DLG2: variants seen among roughly 807,000 people sequenced by gnomAD.
The protein encoded by DLG2 is discs large MAGUK scaffold protein 2, also known as disks large homolog 2.
Under a neutral mutation model 132.5 loss-of-function variants are expected in DLG2, and 45 were observed. That is an observed-to-expected ratio of 0.34 (90% CI 0.27 to 0.44). DLG2 has a LOEUF of 0.44. Ranked by LOEUF, DLG2 falls within the 20% of genes least tolerant of loss-of-function variation. The probability of loss-of-function intolerance (pLI) is 1.00; values close to 1 mark genes in which losing one functional copy is unlikely to be tolerated. For missense variants in DLG2, 1,045 were observed against 1,196.9 expected (o/e 0.87, Z 1.87); for synonymous variants, 424 against 419.6 (o/e 1.01, Z -0.13).
Position 84,918,656 on chromosome 11 carries a change from A to G in DLG2, c.357+193005T>C, listed in dbSNP as rs76685419. On this transcript the variant is annotated intron_variant, in intron 6 of 27. Coordinates refer to ENST00000376104, the MANE Select transcript of DLG2 (RefSeq NM_001142699.3). ...TAGTGTGAATTATTGACTCCCTCCA[A>G]ACTAGCTGTACAACCTGGCTGAGCA... 7.7e-3 allele frequency among the ~76,000 whole-genome samples: 1,176 copies of G among 152,270 alleles called. 4 individuals carry two copies. Among genetic ancestry groups the G allele is most frequent in the Non-Finnish European group, 0.012 (802 of 67,992 alleles).
At chr11:84,175,779 C>T (rs1200994453) in intron 8 of DLG2, among the ~76,000 whole-genome samples, 1 of 152,050 alleles carries the variant, frequency 6.6e-6, no homozygotes, top group Non-Finnish European at 1.5e-5. Context: ...TGGAAAAATG[C>T]TTCGGGCTGC....
At chr11:83,709,906 C>A (rs1396330820) in intron 18 of DLG2, among the ~76,000 whole-genome samples, 1 of 152,178 alleles carries the variant, frequency 6.6e-6, no homozygotes, top group East Asian at 1.9e-4. Context: ...TCAGGTTAGG[C>A]CTTCCTTTCC....
At chr11:83,710,977 G>T (rs1348732367) in intron 18 of DLG2, among the ~76,000 whole-genome samples, 30 of 152,080 alleles carry the variant, frequency 2.0e-4, no homozygotes, top group Admixed American at 2.0e-3. Context: ...TCTTAACATG[G>T]ACTGTCTCAT....
intron 21 of DLG2, among the ~76,000 whole-genome samples, chr11:83,518,870 G>T (rs1420243701): frequency 1.3e-5 from 2 of 152,126 alleles, no homozygotes; most frequent in African/African-American, 2.4e-5. Context: ...TGTTCCTGGG[G>T]TTTCTCAGCT....
At chr11:84,876,534 C>T (rs917659456) in intron 6 of DLG2, among the ~76,000 whole-genome samples, 21 of 152,058 alleles carry the variant, frequency 1.4e-4, no homozygotes, top group African/African-American at 5.1e-4. Flanking sequence ...GTGATATCCC[C>T]TTTATCTTTT....
chr11:85,450,351 G>C (rs1207332176), intron 3 of DLG2, among the ~76,000 whole-genome samples: 2 of 151,832 alleles, frequency 1.3e-5, no homozygotes, highest in African/African-American at 2.4e-5. Context: ...CTTTATGTGG[G>C]TTCTCAGAGA....
chr11:84,919,438 G>A (rs1341321238), intron 6 of DLG2, among the ~76,000 whole-genome samples: 1 of 152,092 alleles, frequency 6.6e-6, no homozygotes, highest in Non-Finnish European at 1.5e-5. Context: ...TTTACGCTCA[G>A]TAAATTTTAA....
At chr11:84,633,330 C>T (rs2099635325) in intron 6 of DLG2, among the ~76,000 whole-genome samples, 1 of 152,122 alleles carries the variant, frequency 6.6e-6, no homozygotes, top group Admixed American at 6.5e-5. Flanking sequence ...CACTTAACTA[C>T]CAGCCATTAC....
At chr11:84,912,182 C>T (rs889912012) in intron 6 of DLG2, among the ~76,000 whole-genome samples, 2 of 152,220 alleles carry the variant, frequency 1.3e-5, no homozygotes, top group Non-Finnish European at 2.9e-5. Flanking sequence ...CGGAGTCTCA[C>T]TCTGTCGCCC....
chr11:84,313,001 G>A (rs1442496686), intron 7 of DLG2, among the ~76,000 whole-genome samples: 2 of 151,796 alleles, frequency 1.3e-5, no homozygotes, highest in African/African-American at 2.4e-5. Flanking sequence ...TAGTAGAGAC[G>A]GGGCTTCACC....
chr11:83,528,065 G>T (rs1565651558), intron 21 of DLG2, among the ~76,000 whole-genome samples: 1 of 152,166 alleles, frequency 6.6e-6, no homozygotes, highest in Non-Finnish European at 1.5e-5. Context: ...GAGCTTGACT[G>T]CATTGCTATC....
At chr11:84,934,158 A>G (rs1465059580) in intron 6 of DLG2, among the ~76,000 whole-genome samples, 5 of 152,036 alleles carry the variant, frequency 3.3e-5, no homozygotes, top group Admixed American at 3.3e-4. Context: ...ATTTCTGTTT[A>G]TGCGATAAAT....
chr11:84,157,338 T>G (rs566091707), intron 9 of DLG2, among the ~76,000 whole-genome samples: 1 of 152,336 alleles, frequency 6.6e-6, no homozygotes, highest in East Asian at 1.9e-4. Flanking sequence ...ATAATACTTG[T>G]GAATTTTTAT....
intron 9 of DLG2, among the ~76,000 whole-genome samples, chr11:84,152,104 G>C (rs565041454): frequency 6.6e-6 from 1 of 152,254 alleles, no homozygotes; most frequent in East Asian, 1.9e-4. Flanking sequence ...TCCTTTCTTA[G>C]TTTGCTGCAT....
intron 7 of DLG2, among the ~76,000 whole-genome samples, chr11:84,427,097 A>G (rs1020286982): frequency 3.9e-5 from 6 of 152,148 alleles, no homozygotes; most frequent in Non-Finnish European, 8.8e-5. Flanking sequence ...GGTGACAGAG[A>G]AAGTTCATTC....
At chr11:83,907,507 T>G (rs904404156) in intron 15 of DLG2, among the ~76,000 whole-genome samples, 5 of 152,098 alleles carry the variant, frequency 3.3e-5, no homozygotes, top group African/African-American at 1.2e-4. Flanking sequence ...CTCTCTAAGC[T>G]TCACTATTTT....
chr11:83,785,114 C>T lies in DLG2; in HGVS notation c.1825+1576G>A, dbSNP rs867714972. On this transcript the variant is annotated intron_variant, in intron 18 of 27. Transcript: ENST00000376104. Reference sequence around the variant, plus strand: ...CTGTCACCCAGGCCAGAGTGCAGTGCCACGGTCTCGGCTCACTGCAAGCTC... The same window carrying T: ...CTGTCACCCAGGCCAGAGTGCAGTGTCACGGTCTCGGCTCACTGCAAGCTC... Among the ~76,000 whole-genome samples, 22 of 151,866 alleles carry T rather than the reference C, an allele frequency of 1.4e-4. 1 individual carries two copies. The highest frequency in any genetic ancestry group is 1.3e-3 in the South Asian group (6 of 4,796).
intron 6 of DLG2, among the ~76,000 whole-genome samples, chr11:84,659,399 T>C (rs898176908): frequency 7.2e-5 from 11 of 152,152 alleles, no homozygotes; most frequent in South Asian, 4.1e-4. Context: ...GACTGGAATG[T>C]CATCCTCTTA....
chr11:85,414,520 A>G (rs1262926786), intron 3 of DLG2, among the ~76,000 whole-genome samples: 2 of 151,986 alleles, frequency 1.3e-5, no homozygotes, highest in Non-Finnish European at 2.9e-5. Context: ...CCTATCATAT[A>G]GTCCATCTTG....
Sources: gnomAD v4.1 joint callset for allele counts (sites outside exome capture counted in the v4.1 genomes callset) on GRCh38, gnomAD v4.1.1 for gene constraint, MANE v1.5 for transcripts, NCBI Gene and HGNC (gene_info 2026-07-23, HGNC 2026-07-21) for gene names.